Variants in MCMDC2 observed in about 807,000 individuals in gnomAD.
MCMDC2 encodes minichromosome maintenance domain-containing protein 2.
In MCMDC2, 54 loss-of-function variants were observed where a neutral mutation model predicts 75.8. The ratio of observed to expected loss-of-function variants is 0.71; its 90% confidence interval spans 0.57 to 0.89. The LOEUF (loss-of-function observed/expected upper bound fraction) is 0.89, where lower values mean the gene tolerates loss of function less well. Ranked by LOEUF, MCMDC2 falls within the 40% of genes least tolerant of loss-of-function variation. MCMDC2 has a pLI of 0.00. For missense variants in MCMDC2, 656 were observed against 780.4 expected (o/e 0.84, Z 1.90); for synonymous variants, 249 against 274.6 (o/e 0.91, Z 0.92).
chr8:66,896,250 G>T lies in MCMDC2; in HGVS notation c.1360G>T (p.Val454Phe), dbSNP rs765820698. 1.2e-6 allele frequency: 2 copies of T among 1,611,798 alleles called. No individual in the cohort carries two copies. Among genetic ancestry groups the T allele is most frequent in the East Asian group, 4.5e-5 (2 of 44,764 alleles). ...TATTGATCAACAGATGACTTTTCCA[G>T]TTCAGTGCAGTTTTTGGTCTTTTGT... is the stretch of plus-strand genomic sequence containing the variant. ...EDIDQQMTFPVQCSFWSFVDV... is the reference protein window; with the variant it reads ...EDIDQQMTFPFQCSFWSFVDV... Residue 454 changes from valine (V) to phenylalanine (F), a missense_variant, in exon 11 of 15, where the codon GTT (valine) becomes TTT (phenylalanine). Val to Phe is a conservative substitution (Grantham distance 50). Transcript: ENST00000422365.
At chr8:66,904,947 C>T (rs543470845) in intron 13 of MCMDC2, among the ~76,000 whole-genome samples, 1 of 152,028 alleles carries the variant, frequency 6.6e-6, no homozygotes, top group African/African-American at 2.4e-5. Flanking sequence ...ATTAATTTTC[C>T]CAACTGTGTA....
At chr8:66,925,817 A>G (rs997835470), downstream of MCMDC2, among the ~76,000 whole-genome samples, 1 of 152,130 alleles carries the variant, frequency 6.6e-6, no homozygotes, top group Non-Finnish European at 1.5e-5. Flanking sequence ...TCAATGTTTA[A>G]TTTACCAGTT....
Position 66,901,346 on chromosome 8 carries a change from T to A in MCMDC2, c.1767T>A (p.Tyr589Ter), listed in dbSNP as rs143895635. ...GSKLSASALK[Y>*]LVFLSEAHAR... ...AGCTGTCAGCATCTGCATTAAAATA[T>A]CTGTAGGTATTCAATTCAAGATTTT... Residue 589 changes from tyrosine to a stop codon, truncating the protein, a stop_gained and splice_region_variant, in exon 13 of 15, where the codon TAT becomes TAA. Transcript: ENST00000422365. LOFTEE classifies it high-confidence loss of function. The A allele has an allele frequency of 1.8e-4, 296 of 1,602,976 alleles. No individual in the cohort carries two copies. The highest frequency in any genetic ancestry group is 1.0e-4 in the Non-Finnish European group (119 of 1,176,718).
Position 66,920,610 on chromosome 8 carries a change from T to C in MCMDC2, c.*1441T>C, listed in dbSNP as rs999987901. On this transcript the variant is annotated 3_prime_UTR_variant, in exon 15 of 15. Coordinates refer to ENST00000422365, the MANE Select transcript of MCMDC2 (RefSeq NM_173518.5). ...CTTCTCAAATACTACATTTCAAACATGTCTGGCTCTCTATGGGGGGAAGGC... is the reference window on the plus strand; with the variant it reads ...CTTCTCAAATACTACATTTCAAACACGTCTGGCTCTCTATGGGGGGAAGGC... The C allele has an allele frequency of 6.6e-6, 1 of 152,208 alleles. No individual in the cohort carries two copies. The highest frequency in any genetic ancestry group is 1.5e-5 in the Non-Finnish European group (1 of 68,036). The allele number at this position is 152,208 out of a possible 1,614,324, so 9.4% of individuals were successfully genotyped here. A position where few individuals can be genotyped will look rare whatever the true frequency, so the allele number is the denominator to read the frequency against.
At position 66,890,906 on chromosome 8, in the gene MCMDC2, G is replaced by A. The variant is rs373658749; in HGVS notation, c.1115G>A (p.Arg372His). Residue 372 changes from arginine to histidine, a missense_variant, in exon 10 of 15, where the codon CGT becomes CAT. By Grantham distance (29) the Arg-to-His change is conservative. Transcript: ENST00000422365. Reference protein sequence around the residue: ...FSINLVPRGIRHLVSTEIFPT... With the variant: ...FSINLVPRGIHHLVSTEIFPT... ...ATAAACCTTGTCCCCCGTGGTATAC[G>A]TCATCTAGTCTCTACTGAAATTTTT... is the stretch of plus-strand genomic sequence containing the variant. 1.0e-4 allele frequency: 165 copies of A among 1,613,018 alleles called. No homozygotes were observed. Among genetic ancestry groups the A allele is most frequent in the Admixed American group, 1.2e-4 (7 of 59,794 alleles).
intron 13 of MCMDC2, 76 bp from the exon 14 acceptor site, chr8:66,905,150 C>G (rs559979574): frequency 8.6e-7 from 1 of 1,169,030 alleles, no homozygotes; most frequent in African/African-American, 1.6e-5. Flanking sequence ...ATATATATCT[C>G]GATTTGTTCC....
rs2130847014 is a variant in MCMDC2, at chr8:66,901,229, G to T, written c.1650G>T (p.Leu550Phe). The part of the protein sequence containing the change: ...FEKLLAFAKN[L>F]NVEFSLEAER... ...AGCTATTGGCTTTTGCAAAGAATTT[G>T]AATGTAGAATTCAGCTTGGAAGCAG... is the stretch of plus-strand genomic sequence containing the variant. Residue 550 changes from leucine to phenylalanine, a missense_variant, in exon 13 of 15, where the codon TTG becomes TTT. Transcript: ENST00000422365. 6.2e-7 allele frequency: 1 copy of T among 1,613,378 alleles called. No individual in the cohort carries two copies. The highest frequency in any genetic ancestry group is 1.7e-5 in the Admixed American group (1 of 59,886).
At position 66,878,608 on chromosome 8, in the gene MCMDC2, T is replaced by TCCTCCCTGTAA; in HGVS notation, c.516_517insCCTCCCTGTAA (p.Thr173ProfsTer10). 1.3e-6 allele frequency: 2 copies of TCCTCCCTGTAA among 1,575,302 alleles called. No individual in the cohort carries two copies. The highest frequency in any genetic ancestry group is 1.7e-6 in the Non-Finnish European group (2 of 1,166,554). ...ATATAAGAGTGCATGTGCCTGGTGC[T>TCCTCCCTGTAA]ACAGAATCTGCAACGATAAGAAATG... On this transcript the variant is annotated frameshift_variant, in exon 6 of 15. Transcript: ENST00000422365. LOFTEE classifies it high-confidence loss of function.
chr8:66,902,779 G>A (rs1391295981), intron 13 of MCMDC2, among the ~76,000 whole-genome samples: 1 of 142,954 alleles, frequency 7.0e-6, no homozygotes, highest in African/African-American at 2.6e-5. Flanking sequence ...GACTATGTGA[G>A]TTCAAATACA....
chr8:66,910,073 G>C (rs1351032058), intron 14 of MCMDC2, among the ~76,000 whole-genome samples: 7 of 152,244 alleles, frequency 4.6e-5, no homozygotes, highest in Non-Finnish European at 1.0e-4. Flanking sequence ...GTGGTGTTGG[G>C]CCTGCGGGTG....
chr8:66,881,206 G>A (rs1374791861), intron 8 of MCMDC2, among the ~76,000 whole-genome samples: 1 of 152,090 alleles, frequency 6.6e-6, no homozygotes, highest in Non-Finnish European at 1.5e-5. Context: ...AAATAAAACA[G>A]GATAATGTTG....
Position 66,896,270 on chromosome 8 carries a change from T to C in MCMDC2, c.1380T>C (p.Ser460=), listed in dbSNP as rs767500797. 1 of 1,611,324 alleles carries C rather than the reference T, an allele frequency of 6.2e-7. No individual in the cohort carries two copies. The highest frequency in any genetic ancestry group is 1.1e-5 in the South Asian group (1 of 90,092). ...MTFPVQCSFW[S]FVDVDSSSRR... is the part of the protein sequence containing the mutation. ...TTCCAGTTCAGTGCAGTTTTTGGTC[T>C]TTTGTTGATGTGGATTCATCTTCAA... Residue 460 remains serine (S), a synonymous_variant, in exon 11 of 15, where the codon TCT becomes TCC. Coordinates refer to ENST00000422365, the MANE Select transcript of MCMDC2 (RefSeq NM_173518.5).
At chr8:66,900,566 A>G (rs1220974191) in intron 12 of MCMDC2, among the ~76,000 whole-genome samples, 1 of 152,216 alleles carries the variant, frequency 6.6e-6, no homozygotes, top group Non-Finnish European at 1.5e-5. Flanking sequence ...CTGAATTGAA[A>G]AAACTAGAAA....
chr8:66,905,300 C>A lies in MCMDC2; in HGVS notation c.1844C>A (p.Ala615Asp). 6.7e-7 allele frequency: 1 copy of A among 1,486,190 alleles called. No individual in the cohort carries two copies. Among genetic ancestry groups the A allele is most frequent in the South Asian group, 1.4e-5 (1 of 69,338 alleles). 92.1% of individuals were successfully genotyped at this position (1,486,190 alleles called of 1,614,324 possible). A position where few individuals can be genotyped will look rare whatever the true frequency, so the allele number is the denominator to read the frequency against. The change falls in exon 14 of 15, where the codon GCC becomes GAC. Residue 615 changes from alanine to aspartate, a missense_variant. Coordinates refer to ENST00000422365, the MANE Select transcript of MCMDC2 (RefSeq NM_173518.5). ...CTTAAAGAAGATGTGCTGATTGCAG[C>A]CTTACTATTTGAAACATCCCTCACA... The part of the protein sequence containing the change: ...KVLKEDVLIA[A>D]LLFETSLTLK...
intron 14 of MCMDC2, among the ~76,000 whole-genome samples, chr8:66,914,052 A>G (rs1429257009): frequency 1.3e-5 from 2 of 151,368 alleles, no homozygotes; most frequent in Non-Finnish European, 2.9e-5. Context: ...CCAAGGCAGG[A>G]GAATCACTTG....
At chr8:66,924,508 G>A (rs1813660630), downstream of MCMDC2, among the ~76,000 whole-genome samples, 1 of 151,692 alleles carries the variant, frequency 6.6e-6, no homozygotes, top group African/African-American at 2.4e-5. Context: ...GGTGGCAGGC[G>A]CCTGTAATCC....
chr8:66,903,590 TATG>T (rs1259180107), intron 13 of MCMDC2, among the ~76,000 whole-genome samples: 1 of 152,216 alleles, frequency 6.6e-6, no homozygotes, highest in Non-Finnish European at 1.5e-5. Context: ...TTAATTTTAA[TATG>T]ATAACTCTAC....
At chr8:66,913,009 G>T (rs1305632411) in intron 14 of MCMDC2, among the ~76,000 whole-genome samples, 2 of 150,806 alleles carry the variant, frequency 1.3e-5, no homozygotes, top group South Asian at 2.1e-4. Flanking sequence ...TTCATGAAAG[G>T]AAGAGTCAAT....
At chr8:66,912,878 C>T (rs547495840) in intron 14 of MCMDC2, among the ~76,000 whole-genome samples, 234 of 152,114 alleles carry the variant, frequency 1.5e-3, no homozygotes, top group Non-Finnish European at 1.9e-3. Flanking sequence ...CACGTGTATA[C>T]CTATGTTACA....
Sources: gnomAD v4.1 joint callset for allele counts (sites outside exome capture counted in the v4.1 genomes callset) on GRCh38, gnomAD v4.1.1 for gene constraint, MANE v1.5 for transcripts, NCBI Gene and HGNC (gene_info 2026-07-23, HGNC 2026-07-21) for gene names.